ACSL6: variants seen among roughly 807,000 people sequenced by gnomAD.
ACSL6 encodes the protein acyl-CoA synthetase long chain family member 6, also known as long-chain-fatty-acid--CoA ligase 6.
Under a neutral mutation model 98.2 loss-of-function variants are expected in ACSL6, and 47 were observed. That is an observed-to-expected ratio of 0.48 (90% CI 0.38 to 0.61). The LOEUF (loss-of-function observed/expected upper bound fraction) is 0.61, where lower values mean the gene tolerates loss of function less well. ACSL6 is among the 20% of genes least tolerant of loss of function. The pLI, the probability that ACSL6 is intolerant of heterozygous loss-of-function variation, is 0.00. For missense variants in ACSL6, 761 were observed against 913.4 expected (o/e 0.83, Z 2.15); for synonymous variants, 362 against 336.9 (o/e 1.07, Z -0.82).
intron 2 of ACSL6, 151 bp downstream of exon 2, chr5:131,993,880 G>T: frequency 2.6e-6 from 2 of 758,278 alleles, no homozygotes; most frequent in Non-Finnish European, 4.2e-6. Context: ...CCCTGCCCAA[G>T]GCTGCTGCAG....
intron 17 of ACSL6, among the ~76,000 whole-genome samples, chr5:131,965,122 C>G (rs1364807130): frequency 6.6e-6 from 1 of 152,196 alleles, no homozygotes; most frequent in African/African-American, 2.4e-5. Context: ...CAAGCAGGGG[C>G]AGATCCATTT....
chr5:131,969,996 GT>G (rs1753217994), intron 15 of ACSL6, 131 bp downstream of exon 15: 5 of 773,842 alleles, frequency 6.5e-6, no homozygotes, highest in Non-Finnish European at 6.7e-6. Context: ...CACCATTAAT[GT>G]TTTTTTCTGT....
upstream of ACSL6, chr5:132,011,860 G>A (rs1174663651): frequency 1.8e-5 from 27 of 1,518,462 alleles, no homozygotes; most frequent in Non-Finnish European, 2.3e-5. The surrounding 1 kb of genome is among the most constrained non-coding windows in gnomAD (Gnocchi z 5.4). Flanking sequence ...CGGGGGAGGG[G>A]CCCGGCCGCA....
At chr5:132,007,233 C>A (rs1580707502) in intron 1 of ACSL6, among the ~76,000 whole-genome samples, 1 of 152,190 alleles carries the variant, frequency 6.6e-6, no homozygotes, top group African/African-American at 2.4e-5. Context: ...AACCGCTGCA[C>A]AGAATAAAGC....
chr5:131,991,005 C>T, intron 2 of ACSL6, 38 bp from the exon 3 acceptor site: 1 of 1,593,402 alleles, frequency 6.3e-7, no homozygotes, highest in Non-Finnish European at 8.6e-7. Flanking sequence ...TTGGCTGAGG[C>T]AGGTAGGGGT....
chr5:131,997,987 T>C (rs1405158890), intron 1 of ACSL6, among the ~76,000 whole-genome samples: 1 of 152,196 alleles, frequency 6.6e-6, no homozygotes, highest in Non-Finnish European at 1.5e-5. Context: ...CACCAAGCCT[T>C]TGACATGGGG....
chr5:131,962,442 G>T, intron 18 of ACSL6, 93 bp downstream of exon 18: 1 of 1,408,664 alleles, frequency 7.1e-7, no homozygotes, highest in South Asian at 1.5e-5. Flanking sequence ...AAATGCGGAG[G>T]AGAATCCTGG....
chr5:131,970,970 A>T (rs1386001353), intron 14 of ACSL6, among the ~76,000 whole-genome samples: 1 of 152,200 alleles, frequency 6.6e-6, no homozygotes, highest in African/African-American at 2.4e-5. Context: ...AATAAAGATC[A>T]AGGCTTCTAA....
chr5:131,976,319 A>G lies in ACSL6; in HGVS notation c.990+329T>C, dbSNP rs1753605956. 9.3e-6 allele frequency: 7 copies of G among 756,250 alleles called. No individual in the cohort carries two copies. The South Asian group carries it at 3.6e-4, about 39-fold the overall frequency. 46.8% of individuals were successfully genotyped at this position (756,250 alleles called of 1,614,324 possible). A position where few individuals can be genotyped will look rare whatever the true frequency, so the allele number is the denominator to read the frequency against. On this transcript the variant is annotated intron_variant, in intron 10 of 20. Coordinates refer to ENST00000651883, the MANE Select transcript of ACSL6 (RefSeq NM_001009185.3). Reference sequence around the variant, plus strand: ...AGGATTACTTTCTAAATAAAGGTACACACAAAACCATGGGTATATCAATTT... The same window carrying G: ...AGGATTACTTTCTAAATAAAGGTACGCACAAAACCATGGGTATATCAATTT...
intron 17 of ACSL6, among the ~76,000 whole-genome samples, chr5:131,965,368 C>G (rs565775390): frequency 2.0e-5 from 3 of 152,318 alleles, no homozygotes; most frequent in African/African-American, 7.2e-5. Context: ...GGCATAATCT[C>G]ATTTGTTCCT....
rs912203956 is a variant in ACSL6 at position 131,975,528 on chromosome 5, C to T, written c.991-558G>A. 3.0e-6 allele frequency: 3 copies of T among 985,324 alleles called. No homozygotes were observed. The African/African-American group carries it at 5.2e-5, about 17-fold the overall frequency. 61.0% of individuals were successfully genotyped at this position (985,324 alleles called of 1,614,324 possible). ...GACTCCTAAGTCTATGCAACTGTGGCTGGGGTATGAGCCCCAGCCAGAGGA... is the reference window on the plus strand; with the variant it reads ...GACTCCTAAGTCTATGCAACTGTGGTTGGGGTATGAGCCCCAGCCAGAGGA... On this transcript the variant is annotated intron_variant, in intron 10 of 20. Coordinates refer to ENST00000651883, the MANE Select transcript of ACSL6 (RefSeq NM_001009185.3).
At chr5:131,974,761 C>A in intron 11 of ACSL6, 132 bp downstream of exon 11, 1 of 1,608,064 alleles carries the variant, frequency 6.2e-7, no homozygotes, top group Non-Finnish European at 8.5e-7. Flanking sequence ...GCCTTACCTG[C>A]ACCATTCGCT....
At position 131,990,884 on chromosome 5, in the gene ACSL6, G is replaced by A. The variant is rs1255446670; in HGVS notation, c.354C>T (p.Tyr118=). 1 of 1,613,734 alleles carries A rather than the reference G, an allele frequency of 6.2e-7. No homozygotes were observed. The highest frequency in any genetic ancestry group is 1.3e-5 in the African/African-American group (1 of 74,792). Residue 118 remains tyrosine (Y), a synonymous_variant, in exon 3 of 21, where the codon TAC becomes TAT. Transcript: ENST00000651883. ...THYYDDARTM[Y]QVFRRGLSIS... Reference sequence around the variant, plus strand: ...TGCTAAGCCCACGGCGGAACACCTGGTACATGGTCCGGGCATCATCATAGT... The same window carrying A: ...TGCTAAGCCCACGGCGGAACACCTGATACATGGTCCGGGCATCATCATAGT...
At position 131,950,577 on chromosome 5, in the gene ACSL6, CT is replaced by C; in HGVS notation, c.*3656del. 2 of 196,218 alleles carry C rather than the reference CT, an allele frequency of 1.0e-5. No homozygotes were observed. Among genetic ancestry groups the C allele is most frequent in the East Asian group, 8.0e-5 (1 of 12,562 alleles). 12.2% of individuals were successfully genotyped at this position (196,218 alleles called of 1,614,324 possible). On this transcript the variant is annotated 3_prime_UTR_variant, in exon 21 of 21. Transcript: ENST00000651883. Reference sequence around the variant, plus strand: ...CCAATTTTATATACGGTTATTCATTCTTTTTTTCCTGAGATATTAAGCACAT... The same window carrying C: ...CCAATTTTATATACGGTTATTCATTCTTTTTTCCTGAGATATTAAGCACAT...
intron 10 of ACSL6, chr5:131,976,016 TGAA>T: frequency 1.0e-6 from 1 of 985,438 alleles, no homozygotes; most frequent in Non-Finnish European, 1.2e-6. Context: ...TTCTCCACAG[TGAA>T]GAAAAAGCCA....
chr5:132,005,844 C>A (rs572338240), intron 1 of ACSL6, among the ~76,000 whole-genome samples: 84 of 152,314 alleles, frequency 5.5e-4, no homozygotes, highest in African/African-American at 2.0e-3. Context: ...GGGTCCCAGG[C>A]ACTGGTCAAT....
At position 131,954,062 on chromosome 5, in the gene ACSL6, C is replaced by T. The variant is rs796223199; in HGVS notation, c.*172G>A. On this transcript the variant is annotated 3_prime_UTR_variant, in exon 21 of 21. Coordinates refer to ENST00000651883, the MANE Select transcript of ACSL6 (RefSeq NM_001009185.3). ...ATTTTTATAATAAAAATAAAATATA[C>T]TCATTGATGATAGAGAAAATATTGT... is the stretch of plus-strand genomic sequence containing the variant. 36 of 476,318 alleles carry T rather than the reference C, an allele frequency of 7.6e-5. No individual in the cohort carries two copies. Among genetic ancestry groups the T allele is most frequent in the African/African-American group, 7.0e-4 (35 of 49,826 alleles). 29.5% of individuals were successfully genotyped at this position (476,318 alleles called of 1,614,324 possible). A position where few individuals can be genotyped will look rare whatever the true frequency, so the allele number is the denominator to read the frequency against.
rs777584628 is a variant in ACSL6 at position 131,970,206 on chromosome 5, A to G, written c.1435-6T>C. The stretch of plus-strand genomic sequence containing the variant: ...TGGCCATAACCTTCATAAACCTTCA[A>G]ACAAAACACAGAAGCCACACTATGG... On this transcript the variant is annotated splice_polypyrimidine_tract_variant and splice_region_variant and intron_variant, in intron 14 of 20. Transcript: ENST00000651883. 13 of 1,614,000 alleles carry G rather than the reference A, an allele frequency of 8.1e-6. No homozygotes were observed. Among genetic ancestry groups the G allele is most frequent in the Non-Finnish European group, 1.1e-5 (13 of 1,179,978 alleles).
chr5:131,966,736 C>G (rs978736203), intron 16 of ACSL6, among the ~76,000 whole-genome samples: 3 of 152,218 alleles, frequency 2.0e-5, no homozygotes, highest in Non-Finnish European at 4.4e-5. Context: ...TCCTCCCCAT[C>G]TTTCCCCCCT....
Sources: gnomAD v4.1 joint callset for allele counts (sites outside exome capture counted in the v4.1 genomes callset) on GRCh38, gnomAD v4.1.1 for gene constraint, Gnocchi (gnomAD v3.1) non-coding constraint, MANE v1.5 for transcripts, NCBI Gene and HGNC (gene_info 2026-07-23, HGNC 2026-07-21) for gene names.